The following NRXN1 variants were observed in gnomAD, a reference collection of about 807,000 sequenced individuals.
NRXN1 encodes neurexin-1.
NRXN1 carries 39 observed loss-of-function variants against 150.9 expected under a neutral mutation model. The ratio of observed to expected loss-of-function variants is 0.26; its 90% CI spans 0.20 to 0.34. The LOEUF is 0.34. Among genes scored for constraint, NRXN1 ranks in the 10% least tolerant of loss-of-function variants. The pLI, the probability that NRXN1 is intolerant of heterozygous loss-of-function variation, is 1.00. For synonymous variants in NRXN1, 924 were observed against 757.0 expected, an observed-to-expected ratio of 1.22 and a Z score of -3.62; for missense variants, 1,815 against 1,949.9, an observed-to-expected ratio of 0.93 and a Z score of 1.30.
At chr2:50,285,736 T>C (rs535887906) in intron 17 of NRXN1, among the ~76,000 whole-genome samples, 9 of 152,296 alleles carry the variant, frequency 5.9e-5, no homozygotes, top group African/African-American at 2.2e-4. Context: ...AATGTTTCAG[T>C]ATGCCTACAA....
At chr2:50,812,211 T>C (rs537950284) in intron 5 of NRXN1, among the ~76,000 whole-genome samples, 1 of 152,346 alleles carries the variant, frequency 6.6e-6, no homozygotes, top group Admixed American at 6.5e-5. Flanking sequence ...GTTGCTTCTG[T>C]GATTTGTGAA....
intron 5 of NRXN1, among the ~76,000 whole-genome samples, chr2:50,895,697 C>T (rs1176933605): frequency 5.9e-5 from 9 of 151,850 alleles, no homozygotes; most frequent in African/African-American, 1.9e-4. Flanking sequence ...GGTCCTGCCT[C>T]AGCCTCCCAA....
In NRXN1 at chr2:50,676,594, T is replaced by A. The variant is rs553244383; in HGVS notation, c.833-52979A>T. Among the ~76,000 whole-genome samples the A allele has an allele frequency of 5.3e-5, 8 of 152,282 alleles. No homozygotes were observed. In the South Asian group the frequency reaches 1.7e-3, roughly 32 times the overall value. ...TATGAAAATATAAAACGATAATACA[T>A]ACAAACTGCTTCAGGCAGCACCATG... On this transcript the variant is annotated intron_variant, in intron 5 of 22. Transcript: ENST00000401669.
chr2:50,884,914 T>A lies in NRXN1; in HGVS notation c.832+36955A>T, dbSNP rs1679997464. 2.0e-5 allele frequency among the ~76,000 whole-genome samples: 3 copies of A among 151,706 alleles called. No individual in the cohort carries two copies. In the South Asian group the frequency reaches 6.2e-4, roughly 31 times the overall value. On this transcript the variant is annotated intron_variant, in intron 5 of 22. Coordinates refer to ENST00000401669, the MANE Select transcript of NRXN1 (RefSeq NM_001330078.2). ...AGCGAAAATTCTGTCCTATGTTCAG[T>A]GTCTGGAAGCAAAACATATGCTCAA...
At chr2:50,296,753 C>G (rs983059762) in intron 17 of NRXN1, among the ~76,000 whole-genome samples, 41 of 151,984 alleles carry the variant, frequency 2.7e-4, no homozygotes, top group Admixed American at 8.5e-4. Flanking sequence ...CAGGTATTAG[C>G]CACGCTGCTC....
At chr2:50,733,365 T>C (rs1256173801) in intron 5 of NRXN1, among the ~76,000 whole-genome samples, 1 of 152,164 alleles carries the variant, frequency 6.6e-6, no homozygotes, top group Non-Finnish European at 1.5e-5. Context: ...CAAAACTGTG[T>C]TAAATTATTT....
At chr2:50,897,271 C>T (rs367662573) in intron 5 of NRXN1, among the ~76,000 whole-genome samples, 12 of 152,284 alleles carry the variant, frequency 7.9e-5, no homozygotes, top group Admixed American at 2.0e-4. Flanking sequence ...TGCCAAACGT[C>T]GTACTGTGAC....
intron 5 of NRXN1, among the ~76,000 whole-genome samples, chr2:50,629,096 T>C (rs1196886741): frequency 6.6e-6 from 1 of 151,766 alleles, no homozygotes; most frequent in Non-Finnish European, 1.5e-5. Context: ...GGGCCTACCC[T>C]ATGATCCACC....
chr2:50,046,505 T>C (rs1182847500), intron 21 of NRXN1, among the ~76,000 whole-genome samples: 1 of 152,236 alleles, frequency 6.6e-6, no homozygotes, highest in East Asian at 1.9e-4. Flanking sequence ...GACTTTCAGA[T>C]GTATGGTGCT....
intron 5 of NRXN1, among the ~76,000 whole-genome samples, chr2:50,687,321 C>A (rs1044498798): frequency 6.6e-6 from 1 of 152,164 alleles, no homozygotes; most frequent in African/African-American, 2.4e-5. Context: ...ATATTAACTG[C>A]TACATTCCTG....
At chr2:50,394,675 C>A in intron 17 of NRXN1, among the ~76,000 whole-genome samples, 1 of 152,054 alleles carries the variant, frequency 6.6e-6, no homozygotes, top group Non-Finnish European at 1.5e-5. Context: ...ATTGTCCACA[C>A]TGCAGCCAGA....
At chr2:50,806,582 A>G (rs971063292) in intron 5 of NRXN1, among the ~76,000 whole-genome samples, 1 of 152,182 alleles carries the variant, frequency 6.6e-6, no homozygotes, top group Non-Finnish European at 1.5e-5. Flanking sequence ...ACTTAGTTGA[A>G]TATCTTTCAG....
intron 17 of NRXN1, among the ~76,000 whole-genome samples, chr2:50,298,979 G>A (rs1026541785): frequency 6.6e-6 from 1 of 152,052 alleles, no homozygotes; most frequent in Non-Finnish European, 1.5e-5. Context: ...CCATAGATAC[G>A]AAATTTTCAA....
intron 18 of NRXN1, among the ~76,000 whole-genome samples, chr2:50,133,785 A>T (rs954155240): frequency 6.6e-6 from 1 of 152,186 alleles, no homozygotes; most frequent in Non-Finnish European, 1.5e-5. Context: ...AGTTGCTATT[A>T]ACAGATTAAA....
intron 5 of NRXN1, among the ~76,000 whole-genome samples, chr2:50,868,575 C>G (rs1420401779): frequency 6.6e-6 from 1 of 151,628 alleles, no homozygotes; most frequent in Non-Finnish European, 1.5e-5. Context: ...AAATTAACTT[C>G]AAAAGAATTA....
At chr2:49,976,994 C>T (rs1433871452) in intron 21 of NRXN1, among the ~76,000 whole-genome samples, 1 of 152,114 alleles carries the variant, frequency 6.6e-6, no homozygotes, top group Non-Finnish European at 1.5e-5. Context: ...AAATAACATC[C>T]ATGTTTTTAC....
chr2:50,994,100 G>C (rs934563190), intron 2 of NRXN1, among the ~76,000 whole-genome samples: 1 of 151,944 alleles, frequency 6.6e-6, no homozygotes, highest in South Asian at 2.1e-4. Context: ...ATTCTTTCAA[G>C]ATAGGGATTG....
At chr2:50,141,445 A>C (rs1707265953) in intron 18 of NRXN1, among the ~76,000 whole-genome samples, 2 of 152,094 alleles carry the variant, frequency 1.3e-5, no homozygotes, top group African/African-American at 4.8e-5. Context: ...GAACAAAAAC[A>C]AAAAGAGATA....
intron 5 of NRXN1, among the ~76,000 whole-genome samples, chr2:50,756,150 C>T (rs2105354938): frequency 6.6e-6 from 1 of 151,728 alleles, no homozygotes; most frequent in South Asian, 2.1e-4. Flanking sequence ...TCTTTCCTTC[C>T]CACAGGGATC....
Sources: gnomAD v4.1 joint callset for allele counts (sites outside exome capture counted in the v4.1 genomes callset) on GRCh38, gnomAD v4.1.1 for gene constraint, MANE v1.5 for transcripts, NCBI Gene and HGNC (gene_info 2026-07-23, HGNC 2026-07-21) for gene names.